The following EPHA5 variants were observed in gnomAD, a reference collection of about 807,000 sequenced individuals.
The protein encoded by EPHA5 is ephrin type-A receptor 5.
In EPHA5, 60 loss-of-function variants were observed where a neutral mutation model predicts 105.0. The observed-to-expected ratio is 0.57, with a 90% CI of 0.46 to 0.71. The LOEUF (loss-of-function observed/expected upper bound fraction) is 0.71. Ranked by LOEUF, EPHA5 falls within the 30% of genes least tolerant of loss-of-function variation. The probability of loss-of-function intolerance (pLI) is 0.00; values close to 1 mark genes in which losing one functional copy is unlikely to be tolerated. For missense variants in EPHA5, 1,218 were observed against 1,274.7 expected, an observed-to-expected ratio of 0.96 and a Z score of 0.68; for synonymous variants, 513 against 449.1, an observed-to-expected ratio of 1.14 and a Z score of -1.80.
chr4:65,415,140 C>G (rs1361395444), intron 6 of EPHA5, among the ~76,000 whole-genome samples: 1 of 152,044 alleles, frequency 6.6e-6, no homozygotes, highest in Non-Finnish European at 1.5e-5. Flanking sequence ...TATTTTGATG[C>G]CAACAAAAGT....
At chr4:65,404,961 C>G (rs946080392) in intron 7 of EPHA5, among the ~76,000 whole-genome samples, 3 of 152,006 alleles carry the variant, frequency 2.0e-5, no homozygotes, top group Non-Finnish European at 4.4e-5. Flanking sequence ...AATAATGTGA[C>G]TATGACCTCA....
chr4:65,620,012 TC>T (rs1745573731), intron 2 of EPHA5, among the ~76,000 whole-genome samples: 1 of 150,336 alleles, frequency 6.7e-6, no homozygotes, highest in Admixed American at 6.6e-5. Flanking sequence ...AGTTTAATCA[TC>T]AATAGTATCA....
chr4:65,377,172 A>G (rs948154047), intron 8 of EPHA5: 1 of 994,778 alleles, frequency 1.0e-6, no homozygotes, highest in Non-Finnish European at 1.4e-6. Context: ...TTTCAAAATC[A>G]AAAACCTCTA....
At chr4:65,595,097 T>A (rs1440389365) in intron 3 of EPHA5, among the ~76,000 whole-genome samples, 1 of 151,310 alleles carries the variant, frequency 6.6e-6, no homozygotes, top group Non-Finnish European at 1.5e-5. Flanking sequence ...CTGTTTCCCA[T>A]ACTTTTCACA....
chr4:65,395,460 C>G (rs184249790), intron 8 of EPHA5, among the ~76,000 whole-genome samples: 70 of 152,268 alleles, frequency 4.6e-4, no homozygotes, highest in African/African-American at 1.6e-3. Flanking sequence ...AAAGTAAGTA[C>G]AAAAGGCTAA....
intron 11 of EPHA5, among the ~76,000 whole-genome samples, chr4:65,364,160 T>A (rs1717618419): frequency 6.6e-6 from 1 of 151,656 alleles, no homozygotes; most frequent in Admixed American, 6.6e-5. Context: ...AACCCACGTA[T>A]GTAGTTTATT....
chr4:65,608,318 C>A (rs943671790), intron 2 of EPHA5, among the ~76,000 whole-genome samples: 1 of 151,948 alleles, frequency 6.6e-6, no homozygotes, highest in Non-Finnish European at 1.5e-5. Context: ...TCCTGACTAA[C>A]ACGGTGAAAC....
intron 4 of EPHA5, among the ~76,000 whole-genome samples, chr4:65,493,548 A>T (rs1343386271): frequency 1.3e-5 from 2 of 152,144 alleles, no homozygotes; most frequent in African/African-American, 4.8e-5. Flanking sequence ...ATACACACAC[A>T]CTCATAGATT....
At chr4:65,511,227 G>T (rs561310160) in intron 3 of EPHA5, among the ~76,000 whole-genome samples, 1 of 152,294 alleles carries the variant, frequency 6.6e-6, no homozygotes, top group Admixed American at 6.5e-5. Context: ...AAAGTACAGG[G>T]TGGAGATGTG....
At chr4:65,630,303 A>C (rs970069460) in intron 2 of EPHA5, among the ~76,000 whole-genome samples, 5 of 152,078 alleles carry the variant, frequency 3.3e-5, no homozygotes, top group African/African-American at 1.2e-4. Context: ...CATTATGAGA[A>C]GTGATGGAGT....
At chr4:65,590,170 T>A (rs986968376) in intron 3 of EPHA5, among the ~76,000 whole-genome samples, 1 of 152,216 alleles carries the variant, frequency 6.6e-6, no homozygotes, top group Admixed American at 6.5e-5. Context: ...AAACTGTGGT[T>A]CTTCTTTCTT....
At chr4:65,639,847 A>C (rs1747480481) in intron 2 of EPHA5, among the ~76,000 whole-genome samples, 1 of 152,120 alleles carries the variant, frequency 6.6e-6, no homozygotes, top group Admixed American at 6.5e-5. Flanking sequence ...CTCTGTGCTC[A>C]AATCTGCTGT....
chr4:65,332,139 T>C lies in EPHA5; in HGVS notation c.2790-11A>G, dbSNP rs371447925. The C allele has an allele frequency of 1.3e-6, 2 of 1,564,370 alleles. No individual in the cohort carries two copies. The highest frequency in any genetic ancestry group is 1.7e-6 in the Non-Finnish European group (2 of 1,159,174). On this transcript the variant is annotated splice_polypyrimidine_tract_variant and intron_variant, in intron 15 of 16. Transcript: ENST00000613740. Reference sequence around the variant, plus strand: ...AATAAATTAGATACTCTAAAACACATAAAACATAAATATTAAAAGTTACAA... The same window carrying C: ...AATAAATTAGATACTCTAAAACACACAAAACATAAATATTAAAAGTTACAA...
At chr4:65,432,439 A>T (rs916774798) in intron 5 of EPHA5, among the ~76,000 whole-genome samples, 1 of 152,220 alleles carries the variant, frequency 6.6e-6, no homozygotes, top group Non-Finnish European at 1.5e-5. Context: ...GAAAGTCTAC[A>T]GTTAATTAAT....
intron 16 of EPHA5, 25 bp downstream of exon 16, chr4:65,331,936 CAGCAATTATGTA>C (rs1720658206): frequency 6.4e-7 from 1 of 1,567,498 alleles, no homozygotes; most frequent in Admixed American, 1.9e-5. Flanking sequence ...TTTCTTGCCC[CAGCAATTATGTA>C]AAAATTATCA....
intron 8 of EPHA5, among the ~76,000 whole-genome samples, chr4:65,374,152 T>C (rs993926465): frequency 6.6e-6 from 1 of 151,912 alleles, no homozygotes; most frequent in African/African-American, 2.4e-5. Flanking sequence ...TTGGTTGAGA[T>C]GACAATAAAG....
intron 3 of EPHA5, among the ~76,000 whole-genome samples, chr4:65,559,509 C>T (rs1236540897): frequency 6.6e-6 from 1 of 152,122 alleles, no homozygotes; most frequent in African/African-American, 2.4e-5. Flanking sequence ...CGAAATCCTT[C>T]TCCCAACAGC....
rs1721561188 is a variant in EPHA5 at position 65,340,038 on chromosome 4, T to C, written c.2596-3913A>G. 2.6e-5 allele frequency among the ~76,000 whole-genome samples: 4 copies of C among 152,178 alleles called. No homozygotes were observed. In the South Asian group the frequency reaches 8.3e-4, roughly 31 times the overall value. On this transcript the variant is annotated intron_variant, in intron 14 of 16. Transcript: ENST00000613740. ...CTGATAAATTTGTAACAACTCACTCTCCCTGGGGGAGGACAAATTTGTAAT... is the reference window on the plus strand; with the variant it reads ...CTGATAAATTTGTAACAACTCACTCCCCCTGGGGGAGGACAAATTTGTAAT...
rs547306138 is a variant in EPHA5, at chr4:65,365,025, A to G, written c.2165T>C (p.Val722Ala). 3.7e-6 allele frequency: 6 copies of G among 1,610,640 alleles called. 1 individual carries two copies. The South Asian group carries it at 6.6e-5, about 18-fold the overall frequency. Residue 722 changes from valine (V) to alanine (A), a missense_variant, in exon 11 of 17, where the codon GTG becomes GCG. Transcript: ENST00000613740. ...TTTGCCATCATACTTACTTTTGGTC[A>G]CCACACCTTCTAAATGGATGATGTT... Reference protein sequence around the residue: ...HPNIIHLEGVVTKSKPVMIVT... With the variant: ...HPNIIHLEGVATKSKPVMIVT...
Sources: allele counts gnomAD v4.1 joint callset (sites outside exome capture counted in the v4.1 genomes callset), GRCh38; gene constraint gnomAD v4.1.1; transcripts MANE v1.5; gene names NCBI Gene and HGNC (gene_info 2026-07-23, HGNC 2026-07-21).